The following PIEZO1 variants were observed in gnomAD, a reference collection of about 807,000 sequenced individuals.
PIEZO1 encodes the protein piezo-type mechanosensitive ion channel component 1.
A neutral mutation model predicts 297.2 loss-of-function variants in PIEZO1; 296 were observed. That is an observed-to-expected ratio of 1.00 (90% CI 0.91 to 1.10). The LOEUF (loss-of-function observed/expected upper bound fraction) is 1.10. Among genes scored for constraint, PIEZO1 ranks in the 50% least tolerant of loss-of-function variants. PIEZO1 has a pLI of 0.00. For missense variants in PIEZO1, 5,018 were observed against 3,455.5 expected, an observed-to-expected ratio of 1.45 and a Z score of -11.34; for synonymous variants, 2,427 against 1,507.5, an observed-to-expected ratio of 1.61 and a Z score of -14.13.
Position 88,738,695 on chromosome 16 carries a change from C to A in PIEZO1, c.507G>T (p.Gly169=). ...ERDVDASPTA[G]LQEAATLAPT... ...GGGCCAGCGTTGCTGCTTCCTGCAG[C>A]CCTGCCGTCGGGCTGGCATCCACAT... The change falls in exon 6 of 51, where the codon GGG becomes GGT. Residue 169 remains glycine (G), a synonymous_variant. Coordinates refer to ENST00000301015, the MANE Select transcript of PIEZO1 (RefSeq NM_001142864.4). The A allele has an allele frequency of 6.5e-7, 1 of 1,533,988 alleles. No homozygotes were observed. The highest frequency in any genetic ancestry group is 8.7e-7 in the Non-Finnish European group (1 of 1,145,400).
chr16:88,717,241 C>A, intron 44 of PIEZO1, 30 bp from the exon 45 acceptor site: 1 of 1,534,160 alleles, frequency 6.5e-7, no homozygotes, highest in South Asian at 1.2e-5. Context: ...GTCATACGCT[C>A]AGCTCTGCCC....
chr16:88,737,522 C>CA (rs1273469755), intron 10 of PIEZO1, 37 bp downstream of exon 10: 4 of 1,436,764 alleles, frequency 2.8e-6, no homozygotes, highest in Middle Eastern at 2.4e-4. Flanking sequence ...GCCCCGCCCC[C>CA]CGCACCCAGC....
In PIEZO1 at chr16:88,721,887, A is replaced by G; in HGVS notation, c.5135T>C (p.Val1712Ala). The G allele has an allele frequency of 1.9e-6, 3 of 1,550,038 alleles. No individual in the cohort carries two copies. Among genetic ancestry groups the G allele is most frequent in the South Asian group, 1.2e-5 (1 of 84,058 alleles). Residue 1712 changes from valine to alanine, a missense_variant, in exon 37 of 51, where the codon GTG becomes GCG. Transcript: ENST00000301015. The part of the protein sequence containing the change: ...TASAGSLVLP[V>A]LVFLWAMLSI... Reference sequence around the variant, plus strand: ...CAGCATGGCCCACAGGAAGACGAGCACGGGCAGCACCAGCGAGCCGGCGGA... The same window carrying G: ...CAGCATGGCCCACAGGAAGACGAGCGCGGGCAGCACCAGCGAGCCGGCGGA...
chr16:88,737,839 CA>C (rs756385067), intron 8 of PIEZO1, 25 bp from the exon 9 acceptor site: 9 of 1,534,822 alleles, frequency 5.9e-6, no homozygotes, highest in Non-Finnish European at 8.7e-7. Flanking sequence ...GTCTTGAGCC[CA>C]AACCAGCTCC....
chr16:88,731,558 G>C, intron 22 of PIEZO1, 148 bp downstream of exon 22: 1 of 626,498 alleles, frequency 1.6e-6, no homozygotes, highest in African/African-American at 1.8e-5. Context: ...ATGGCGCCTG[G>C]GTAGGATGTG....
Position 88,727,039 on chromosome 16 carries a change from C to T in PIEZO1, c.3455G>A (p.Arg1152Lys). 1.3e-6 allele frequency: 2 copies of T among 1,548,830 alleles called. No individual in the cohort carries two copies. The highest frequency in any genetic ancestry group is 2.4e-5 in the East Asian group (1 of 40,880). ...PNPVPNFIHC[R>K]SYLDMLKVAV... ...CCGTGGAGGGTGACGTGGAACCCACCTGCAGTGGATAAAGTTGGGCACGGG... is the reference window on the plus strand; with the variant it reads ...CCGTGGAGGGTGACGTGGAACCCACTTGCAGTGGATAAAGTTGGGCACGGG... Residue 1152 changes from arginine to lysine, a missense_variant and splice_region_variant, in exon 24 of 51, where the codon AGG becomes AAG. Arg to Lys is a conservative substitution (Grantham distance 26). Coordinates refer to ENST00000301015, the MANE Select transcript of PIEZO1 (RefSeq NM_001142864.4).
At position 88,716,408 on chromosome 16, in the gene PIEZO1, T is replaced by C. The variant is rs1241096729; in HGVS notation, c.7002A>G (p.Ala2334=). The change falls in exon 48 of 51, where the codon GCA becomes GCG. Residue 2334 remains alanine (A), a synonymous_variant. Transcript: ENST00000301015. Reference sequence around the variant, plus strand: ...CGAGCAGGCTGGCCAGCTGCCGCCGTGCAGTGCTGTTGGGGGCCAGGGCCA... The same window carrying C: ...CGAGCAGGCTGGCCAGCTGCCGCCGCGCAGTGCTGTTGGGGGCCAGGGCCA... ...HMLALAPNST[A]RRQLASLLEG... 3.2e-6 allele frequency: 5 copies of C among 1,549,474 alleles called. No individual in the cohort carries two copies. In the East Asian group the frequency reaches 1.2e-4, roughly 38 times the overall value.
At chr16:88,724,910 A>G in intron 30 of PIEZO1, 99 bp downstream of exon 30, 4 of 750,764 alleles carry the variant, frequency 5.3e-6, no homozygotes, top group Non-Finnish European at 6.1e-6. Flanking sequence ...AGGGCCTGGG[A>G]GTCGGGGGAA....
At position 88,726,355 on chromosome 16, in the gene PIEZO1, GCGCTGCAGCAGCAGGAAGAAGAAGCAGA is replaced by G; in HGVS notation, c.3869_3896del (p.Val1290AlafsTer22). 6.4e-7 allele frequency: 1 copy of G among 1,550,446 alleles called. No individual in the cohort carries two copies. The highest frequency in any genetic ancestry group is 1.2e-5 in the South Asian group (1 of 84,070). On this transcript the variant is annotated frameshift_variant, in exon 27 of 51. Transcript: ENST00000301015. LOFTEE classifies it high-confidence loss of function. The stretch of plus-strand genomic sequence containing the variant: ...GGTAGTAATGGCTAAGGAAGACGCG[GCGCTGCAGCAGCAGGAAGAAGAAGCAGA>G]CGCTGTCCCAGATGATGCCAGCCTC...
intron 32 of PIEZO1, 34 bp downstream of exon 32, chr16:88,723,192 C>T (rs2142771970): frequency 1.3e-6 from 2 of 1,549,188 alleles, no homozygotes; most frequent in South Asian, 1.2e-5. Flanking sequence ...AGTCCCGCGG[C>T]TTCCCCTCAG....
intron 2 of PIEZO1, chr16:88,745,071 G>C (rs9939260): frequency 0.79 from 103,745 of 130,948 alleles, 39,066 homozygotes; most frequent in East Asian, 0.93. Flanking sequence ...CGCCCACCCC[G>C]TCACTCTCCC....
chr16:88,722,128 C>G, intron 36 of PIEZO1, 62 bp from the exon 37 acceptor site: 2 of 1,522,868 alleles, frequency 1.3e-6, no homozygotes, highest in Non-Finnish European at 1.8e-6. Flanking sequence ...ACGGCCCGAT[C>G]TGTTGCCGGT....
chr16:88,719,331 G>A (rs947659643), intron 44 of PIEZO1: 5 of 530,762 alleles, frequency 9.4e-6, no homozygotes, highest in Non-Finnish European at 1.7e-5. Context: ...GCCCTGCTCT[G>A]CTGCCAGCCT....
chr16:88,760,843 C>A (rs940765844), intron 1 of PIEZO1, among the ~76,000 whole-genome samples: 1 of 152,268 alleles, frequency 6.6e-6, no homozygotes, highest in Non-Finnish European at 1.5e-5. Context: ...CACTGAGGAG[C>A]TTCTGGACCA....
chr16:88,742,868 G>A (rs1159773283), intron 2 of PIEZO1: 2 of 356,454 alleles, frequency 5.6e-6, no homozygotes, highest in Non-Finnish European at 1.1e-5. Flanking sequence ...GCCGTGGCTG[G>A]GGTGGGAGCA....
chr16:88,717,274 A>G, intron 44 of PIEZO1, 63 bp from the exon 45 acceptor site: 5 of 1,438,934 alleles, frequency 3.5e-6, no homozygotes, highest in Non-Finnish European at 4.7e-6. Context: ...ACACAACCGC[A>G]TTCTCCAGCT....
At position 88,738,430 on chromosome 16, in the gene PIEZO1, G is replaced by A. The variant is rs559847737; in HGVS notation, c.645C>T (p.His215=). The A allele has an allele frequency of 1.3e-6, 2 of 1,535,754 alleles. No individual in the cohort carries two copies. The highest frequency in any genetic ancestry group is 2.4e-5 in the East Asian group (1 of 40,922). The change falls in exon 7 of 51, where the codon CAC becomes CAT. Residue 215 remains histidine (H), a synonymous_variant. Transcript: ENST00000301015. ...VTLLALAGIA[H]PSALSSVYLL... is the part of the protein sequence containing the mutation. ...GGTAGACACTGGAGAGGGCCGAGGG[G>A]TGGGCGATGCCTGCGGGGCAGGGGC...
intron 1 of PIEZO1, among the ~76,000 whole-genome samples, chr16:88,759,546 G>A (rs575303745): frequency 2.0e-5 from 3 of 152,246 alleles, no homozygotes; most frequent in Admixed American, 6.5e-5. Flanking sequence ...GCCGGGCAGA[G>A]GAAGAGAGGA....
chr16:88,742,830 A>G (rs1905776631), intron 2 of PIEZO1: 2 of 347,252 alleles, frequency 5.8e-6, no homozygotes, highest in Admixed American at 7.8e-5. Context: ...GTGGATGGAG[A>G]CCAGAGCATG....
Sources: gnomAD v4.1 joint callset for allele counts (sites outside exome capture counted in the v4.1 genomes callset) on GRCh38, gnomAD v4.1.1 for gene constraint, MANE v1.5 for transcripts, NCBI Gene and HGNC (gene_info 2026-07-23, HGNC 2026-07-21) for gene names.